NEGR1: variants seen among roughly 807,000 people sequenced by gnomAD.
NEGR1 encodes IgLON family member 4.
Under a neutral mutation model 40.9 loss-of-function variants are expected in NEGR1, and 10 were observed. The ratio of observed to expected loss-of-function variants is 0.24; its 90% confidence interval spans 0.15 to 0.42. NEGR1 has a LOEUF of 0.42. NEGR1 is among the 10% of genes least tolerant of loss of function. The pLI, the probability that NEGR1 is intolerant of heterozygous loss-of-function variation, is 1.00. For missense variants in NEGR1, 352 were observed against 438.9 expected, an observed-to-expected ratio of 0.80 and a Z score of 1.77; for synonymous variants, 185 against 166.8, an observed-to-expected ratio of 1.11 and a Z score of -0.84.
At chr1:72,098,742 A>G (rs1012988686) in intron 1 of NEGR1, among the ~76,000 whole-genome samples, 4 of 152,132 alleles carry the variant, frequency 2.6e-5, no homozygotes, top group African/African-American at 9.7e-5. Context: ...AAATTTTTCT[A>G]GCAGCCGTAG....
At chr1:71,735,312 ATT>A (rs979537979) in intron 3 of NEGR1, among the ~76,000 whole-genome samples, 1 of 152,072 alleles carries the variant, frequency 6.6e-6, no homozygotes, top group African/African-American at 2.4e-5. Flanking sequence ...TCTCTTTCTT[ATT>A]TATGGTTATT....
chr1:72,057,326 T>C (rs1249310679), intron 1 of NEGR1, among the ~76,000 whole-genome samples: 1 of 151,526 alleles, frequency 6.6e-6, no homozygotes, highest in Non-Finnish European at 1.5e-5. Flanking sequence ...TGCAATTATT[T>C]AGTTTTCTAT....
intron 4 of NEGR1, among the ~76,000 whole-genome samples, chr1:71,616,728 C>A (rs545475353): frequency 6.6e-6 from 1 of 152,282 alleles, no homozygotes; most frequent in South Asian, 2.1e-4. Flanking sequence ...TCCTACACTG[C>A]GCACTTGTCT....
At chr1:71,874,874 T>C (rs1254179955) in intron 2 of NEGR1, among the ~76,000 whole-genome samples, 2 of 152,082 alleles carry the variant, frequency 1.3e-5, no homozygotes, top group African/African-American at 2.4e-5. Context: ...GACAGGGTCT[T>C]GCTCTATCAC....
chr1:72,255,046 A>G (rs912318954), intron 1 of NEGR1, among the ~76,000 whole-genome samples: 5 of 152,124 alleles, frequency 3.3e-5, no homozygotes, highest in Non-Finnish European at 7.4e-5. Context: ...TATTTTCTCA[A>G]ATGCTCAGAC....
chr1:71,834,586 G>C (rs1406206091), intron 2 of NEGR1, among the ~76,000 whole-genome samples: 1 of 151,792 alleles, frequency 6.6e-6, no homozygotes, highest in Non-Finnish European at 1.5e-5. Context: ...GAATCAGAGT[G>C]ACTTATACAA....
chr1:72,055,789 T>C lies in NEGR1; in HGVS notation c.177-120478A>G, dbSNP rs1174685455. ...TATACTGTATGTAATCTATAATATATTATATATATTATATATATATATAAT... is the reference window on the plus strand; with the variant it reads ...TATACTGTATGTAATCTATAATATACTATATATATTATATATATATATAAT... On this transcript the variant is annotated intron_variant, in intron 1 of 6. Transcript: ENST00000357731. 2.0e-5 allele frequency among the ~76,000 whole-genome samples: 3 copies of C among 146,350 alleles called. No individual in the cohort carries two copies. In the East Asian group the frequency reaches 5.9e-4, roughly 29 times the overall value.
intron 1 of NEGR1, among the ~76,000 whole-genome samples, chr1:72,258,907 C>T (rs1480043457): frequency 6.6e-6 from 1 of 152,064 alleles, no homozygotes; most frequent in Non-Finnish European, 1.5e-5. Flanking sequence ...TGACGTTGGT[C>T]ATCTTTTAAT....
intron 1 of NEGR1, among the ~76,000 whole-genome samples, chr1:72,164,744 C>T (rs1202726802): frequency 6.6e-6 from 1 of 151,590 alleles, no homozygotes; most frequent in Non-Finnish European, 1.5e-5. Context: ...CTTCCTTTAT[C>T]ATTATAGAAA....
intron 4 of NEGR1, among the ~76,000 whole-genome samples, chr1:71,665,801 A>G (rs1001439439): frequency 6.6e-6 from 1 of 152,156 alleles, no homozygotes; most frequent in Admixed American, 6.5e-5. Context: ...AATTAATTAA[A>G]TTATATCTTA....
At chr1:71,449,541 A>T (rs1200052996) in intron 6 of NEGR1, among the ~76,000 whole-genome samples, 3 of 152,224 alleles carry the variant, frequency 2.0e-5, no homozygotes, top group Non-Finnish European at 4.4e-5. Context: ...ATAATGGCAG[A>T]TAAAGATAAC....
At chr1:71,427,148 T>C (rs568169297) in intron 6 of NEGR1, among the ~76,000 whole-genome samples, 1 of 152,232 alleles carries the variant, frequency 6.6e-6, no homozygotes, top group Non-Finnish European at 1.5e-5. Context: ...TAAAGGCACA[T>C]ATATGTAGCT....
chr1:71,668,826 A>C (rs1302404553), intron 4 of NEGR1, among the ~76,000 whole-genome samples: 1 of 152,168 alleles, frequency 6.6e-6, no homozygotes, highest in Non-Finnish European at 1.5e-5. Context: ...AAGGATGGAG[A>C]GCTAGGCAGG....
At chr1:71,819,993 G>C (rs1053802398) in intron 2 of NEGR1, among the ~76,000 whole-genome samples, 1 of 152,020 alleles carries the variant, frequency 6.6e-6, no homozygotes, top group African/African-American at 2.4e-5. Flanking sequence ...GTTACAGATT[G>C]TGTCCCACTG....
chr1:71,963,033 G>A (rs954815234), intron 1 of NEGR1, among the ~76,000 whole-genome samples: 10 of 151,932 alleles, frequency 6.6e-5, no homozygotes, highest in South Asian at 4.1e-4. Context: ...TGTTTTCTAT[G>A]TTTTGTATGT....
chr1:71,592,781 C>T (rs754456864), intron 6 of NEGR1, 36 bp downstream of exon 6: 4 of 1,572,418 alleles, frequency 2.5e-6, no homozygotes, highest in Admixed American at 1.7e-5. Context: ...GGCCCAGAGG[C>T]CCCTGGAAGC....
At chr1:71,710,738 G>T (rs1395418071) in intron 3 of NEGR1, among the ~76,000 whole-genome samples, 1 of 152,034 alleles carries the variant, frequency 6.6e-6, no homozygotes, top group Non-Finnish European at 1.5e-5. Flanking sequence ...AACAGAGTCT[G>T]GGAAGGGGAA....
At chr1:71,478,437 T>A (rs1305761054) in intron 6 of NEGR1, among the ~76,000 whole-genome samples, 1 of 151,974 alleles carries the variant, frequency 6.6e-6, no homozygotes, top group Admixed American at 6.6e-5. Context: ...AAAACAACAT[T>A]TTTTGTAGTT....
At chr1:71,445,718 C>T (rs577477479) in intron 6 of NEGR1, among the ~76,000 whole-genome samples, 3 of 152,278 alleles carry the variant, frequency 2.0e-5, no homozygotes, top group East Asian at 1.9e-4. Flanking sequence ...CCCCAATATG[C>T]GTCTTCTTAC....
Sources: gnomAD v4.1 joint callset for allele counts (sites outside exome capture counted in the v4.1 genomes callset) on GRCh38, gnomAD v4.1.1 for gene constraint, MANE v1.5 for transcripts, NCBI Gene and HGNC (gene_info 2026-07-23, HGNC 2026-07-21) for gene names.